Variants in PTPRM observed in about 807,000 individuals in gnomAD.
PTPRM encodes the protein receptor-type tyrosine-protein phosphatase mu.
A neutral mutation model predicts 186.7 loss-of-function variants in PTPRM; 47 were observed. The observed-to-expected ratio is 0.25, with a 90% CI of 0.20 to 0.32. The LOEUF (loss-of-function observed/expected upper bound fraction) is 0.32. PTPRM is among the 10% of genes least tolerant of loss of function. The probability of loss-of-function intolerance (pLI) is 1.00; values close to 1 mark genes in which losing one functional copy is unlikely to be tolerated. For synonymous variants in PTPRM, 668 were observed against 674.9 expected (o/e 0.99, Z 0.16); for missense variants, 1,494 against 1,865.0 (o/e 0.80, Z 3.66).
intron 28 of PTPRM, among the ~76,000 whole-genome samples, chr18:8,379,874 A>G (rs1217520016): frequency 6.6e-6 from 1 of 152,236 alleles, no homozygotes; most frequent in Admixed American, 6.5e-5. Flanking sequence ...GCTGTAAAAA[A>G]AAAGTACATG....
chr18:8,055,532 G>T (rs1254274362), intron 7 of PTPRM, among the ~76,000 whole-genome samples: 62 of 152,136 alleles, frequency 4.1e-4, no homozygotes, highest in Admixed American at 4.1e-3. Flanking sequence ...TTTCAGTGAC[G>T]TATTACATGT....
chr18:7,804,427 G>A (rs1480379617), intron 2 of PTPRM, among the ~76,000 whole-genome samples: 1 of 152,214 alleles, frequency 6.6e-6, no homozygotes, highest in African/African-American at 2.4e-5. Context: ...GCTTGCTTCT[G>A]TAAATAGCAG....
intron 1 of PTPRM, among the ~76,000 whole-genome samples, chr18:7,754,256 C>A (rs184514868): frequency 6.6e-6 from 1 of 152,186 alleles, no homozygotes; most frequent in Admixed American, 6.5e-5. Context: ...CTAATGTGCA[C>A]AGCATTCTGC....
At chr18:8,134,254 A>G (rs547388245) in intron 13 of PTPRM, among the ~76,000 whole-genome samples, 2 of 152,298 alleles carry the variant, frequency 1.3e-5, no homozygotes, top group Middle Eastern at 3.4e-3. Flanking sequence ...CTATACACAG[A>G]CCACTCATGG....
rs865963057 is a variant in PTPRM at position 7,931,415 on chromosome 18, T to C, written c.663+4732T>C. Among the ~76,000 whole-genome samples the C allele has an allele frequency of 5.3e-5, 8 of 152,306 alleles. No homozygotes were observed. In the Middle Eastern group the frequency reaches 0.014, roughly 261 times the overall value. On this transcript the variant is annotated intron_variant, in intron 5 of 32. Coordinates refer to ENST00000580170, the MANE Select transcript of PTPRM (RefSeq NM_001105244.2). ...CTGTACACTTTTATACTTTTGAAAG[T>C]ACTTTCTTGGCTGGGTGCAGTGGCT...
At chr18:7,571,064 G>A (rs982093181) in intron 1 of PTPRM, among the ~76,000 whole-genome samples, 11 of 151,340 alleles carry the variant, frequency 7.3e-5, no homozygotes, top group South Asian at 2.1e-4. Flanking sequence ...TCAGCCTCCC[G>A]AGTAGCTGGA....
intron 1 of PTPRM, among the ~76,000 whole-genome samples, chr18:7,770,517 C>G (rs1190908935): frequency 2.0e-5 from 3 of 152,182 alleles, no homozygotes; most frequent in Non-Finnish European, 4.4e-5. Context: ...ATGCCTGACT[C>G]TTGTTACACT....
At chr18:7,789,350 T>C (rs1412130773) in intron 2 of PTPRM, among the ~76,000 whole-genome samples, 1 of 152,088 alleles carries the variant, frequency 6.6e-6, no homozygotes, top group Non-Finnish European at 1.5e-5. Context: ...ATGATTATTA[T>C]TAATATTGTC....
intron 7 of PTPRM, among the ~76,000 whole-genome samples, chr18:7,976,580 G>A (rs564914074): frequency 6.6e-6 from 1 of 151,982 alleles, no homozygotes; most frequent in African/African-American, 2.4e-5. Flanking sequence ...TGCTGTTAAC[G>A]TAAAACTATT....
intron 5 of PTPRM, among the ~76,000 whole-genome samples, chr18:7,933,084 CCA>C (rs1454543417): frequency 1.4e-4 from 22 of 152,184 alleles, no homozygotes; most frequent in African/African-American, 5.1e-4. Context: ...CACCACCTAC[CCA>C]GTAGTTACTA....
chr18:7,657,541 C>T (rs536721518), intron 1 of PTPRM, among the ~76,000 whole-genome samples: 10 of 152,270 alleles, frequency 6.6e-5, no homozygotes, highest in East Asian at 1.9e-4. Context: ...TATACACAGC[C>T]GTAATGCAGA....
chr18:8,084,042 C>T (rs1240839000), intron 9 of PTPRM, among the ~76,000 whole-genome samples: 2 of 152,074 alleles, frequency 1.3e-5, no homozygotes, highest in African/African-American at 2.4e-5. Context: ...CGGTGGGCAG[C>T]GTCAGTCCTC....
intron 3 of PTPRM, among the ~76,000 whole-genome samples, chr18:7,896,272 TA>T (rs995547886): frequency 1.1e-4 from 16 of 151,234 alleles, no homozygotes; most frequent in East Asian, 3.9e-4. Flanking sequence ...ATTGTGCTGA[TA>T]AAAAAAAAGA....
intron 2 of PTPRM, among the ~76,000 whole-genome samples, chr18:7,864,180 C>T (rs1173030694): frequency 9.2e-5 from 14 of 152,036 alleles, no homozygotes; most frequent in African/African-American, 2.7e-4. Context: ...GATTTTGCTG[C>T]GCAGAAGCTC....
intron 14 of PTPRM, among the ~76,000 whole-genome samples, chr18:8,205,812 T>G (rs1358689299): frequency 3.3e-5 from 5 of 152,160 alleles, no homozygotes; most frequent in African/African-American, 1.2e-4. Context: ...TTGTTTATAT[T>G]TGATGGCATT....
intron 7 of PTPRM, among the ~76,000 whole-genome samples, chr18:7,994,757 T>TA (rs1367917041): frequency 6.6e-6 from 1 of 151,466 alleles, no homozygotes; most frequent in Non-Finnish European, 1.5e-5. Context: ...AAGAAGGAAA[T>TA]AAAAAAATGG....
chr18:7,570,208 C>CA (rs1236744168), intron 1 of PTPRM, among the ~76,000 whole-genome samples: 3 of 152,156 alleles, frequency 2.0e-5, no homozygotes, highest in Non-Finnish European at 4.4e-5. Flanking sequence ...ATTTTTCTCT[C>CA]CATATTGCGT....
At chr18:7,862,623 G>A (rs1327287096) in intron 2 of PTPRM, among the ~76,000 whole-genome samples, 5 of 152,192 alleles carry the variant, frequency 3.3e-5, no homozygotes, top group Non-Finnish European at 7.3e-5. Context: ...AGTAAAATGG[G>A]AAAGAGGAAG....
chr18:7,984,602 T>TATATATATATACACACACACAC (rs1214502563), intron 7 of PTPRM, among the ~76,000 whole-genome samples: 1 of 87,198 alleles, frequency 1.1e-5, no homozygotes, highest in Non-Finnish European at 2.1e-5. Context: ...TATATATATA[T>TATATATATATACACACACACAC]ACACACACAC....
Sources: gnomAD v4.1 joint callset for allele counts (sites outside exome capture counted in the v4.1 genomes callset) on GRCh38, gnomAD v4.1.1 for gene constraint, MANE v1.5 for transcripts, NCBI Gene and HGNC (gene_info 2026-07-23, HGNC 2026-07-21) for gene names.